Variants in ENPEP observed in about 807,000 individuals in gnomAD.
The protein encoded by ENPEP is AP-A.
Under a neutral mutation model 114.5 loss-of-function variants are expected in ENPEP, and 103 were observed. The ratio of observed to expected loss-of-function variants is 0.90; its 90% confidence interval spans 0.77 to 1.06. The LOEUF is 1.06. Among genes scored for constraint, ENPEP ranks in the 50% least tolerant of loss-of-function variants. The pLI is 0.00. For missense variants in ENPEP, 1,196 were observed against 1,161.3 expected, an observed-to-expected ratio of 1.03 and a Z score of -0.43; for synonymous variants, 420 against 422.0, an observed-to-expected ratio of 1.00 and a Z score of 0.06.
intron 18 of ENPEP, among the ~76,000 whole-genome samples, chr4:110,553,910 T>TC (rs1727381925): frequency 6.6e-6 from 1 of 152,006 alleles, no homozygotes; most frequent in African/African-American, 2.4e-5. Context: ...TAATGAAATT[T>TC]CAAGTATTTT....
chr4:110,532,300 A>G (rs931380944), intron 11 of ENPEP, among the ~76,000 whole-genome samples: 5 of 152,014 alleles, frequency 3.3e-5, no homozygotes, highest in Admixed American at 1.3e-4. Flanking sequence ...GCAACCACTA[A>G]TGTATTCCCT....
chr4:110,486,436 C>G (rs1435050700), intron 1 of ENPEP, among the ~76,000 whole-genome samples: 1 of 152,164 alleles, frequency 6.6e-6, no homozygotes, highest in African/African-American at 2.4e-5. Flanking sequence ...CACTGGACAC[C>G]TTTCAATTCT....
chr4:110,503,505 A>G lies in ENPEP; in HGVS notation c.919-3132A>G, dbSNP rs1461409383. On this transcript the variant is annotated intron_variant, in intron 3 of 19. Coordinates refer to ENST00000265162, the MANE Select transcript of ENPEP (RefSeq NM_001977.4). Reference sequence around the variant, plus strand: ...CTCAATGGTTCTCAATGGAATCTCAATGATCTTCCTTCCTATCCATATTCT... The same window carrying G: ...CTCAATGGTTCTCAATGGAATCTCAGTGATCTTCCTTCCTATCCATATTCT... 3.3e-5 allele frequency among the ~76,000 whole-genome samples: 5 copies of G among 152,132 alleles called. No individual in the cohort carries two copies. In the East Asian group the frequency reaches 9.6e-4, roughly 29 times the overall value.
rs187936074 is a variant in ENPEP at position 110,517,069 on chromosome 4, G to A, written c.1509+1627G>A. On this transcript the variant is annotated intron_variant, in intron 8 of 19. Transcript: ENST00000265162. Reference sequence around the variant, plus strand: ...AGCGATTCTCATGTCTCAGTCTCCCGAGTAGCTGGAATTACAGGCACCACC... The same window carrying A: ...AGCGATTCTCATGTCTCAGTCTCCCAAGTAGCTGGAATTACAGGCACCACC... Among the ~76,000 whole-genome samples the A allele has an allele frequency of 1.6e-3, 244 of 152,060 alleles. 1 individual carries two copies. Among genetic ancestry groups the A allele is most frequent in the African/African-American group, 5.8e-3 (241 of 41,458 alleles).
At chr4:110,482,105 T>C (rs146168413) in intron 1 of ENPEP, among the ~76,000 whole-genome samples, 2 of 152,266 alleles carry the variant, frequency 1.3e-5, no homozygotes, top group Non-Finnish European at 2.9e-5. Flanking sequence ...CCCCATGACT[T>C]TTTGGATACA....
At chr4:110,499,984 AATC>A (rs1560555013) in intron 3 of ENPEP, 1 of 152,228 alleles carries the variant, frequency 6.6e-6, no homozygotes, top group Non-Finnish European at 1.5e-5. Flanking sequence ...ACTAATAAGT[AATC>A]ATAATACTAT....
intron 10 of ENPEP, among the ~76,000 whole-genome samples, chr4:110,525,274 C>T (rs1299635716): frequency 6.6e-6 from 1 of 152,222 alleles, no homozygotes; most frequent in African/African-American, 2.4e-5. Context: ...GAACTCCAGT[C>T]CCGGGCCTGG....
chr4:110,543,184 G>A, intron 13 of ENPEP, 114 bp downstream of exon 13: 1 of 1,004,310 alleles, frequency 1.0e-6, no homozygotes, highest in Non-Finnish European at 1.5e-6. Context: ...AATATCCAAA[G>A]CCACTATTTA....
chr4:110,534,078 A>G (rs978658540), intron 11 of ENPEP, among the ~76,000 whole-genome samples: 13 of 152,174 alleles, frequency 8.5e-5, no homozygotes, highest in African/African-American at 2.2e-4. Flanking sequence ...GGACATCTTC[A>G]GCTCTCAGCT....
chr4:110,533,167 C>T, intron 11 of ENPEP: 1 of 402,240 alleles, frequency 2.5e-6, no homozygotes, highest in Non-Finnish European at 5.0e-6. Context: ...TTCATCTACC[C>T]TAGTACAATT....
At chr4:110,549,476 A>G in intron 15 of ENPEP, 52 bp from the exon 16 acceptor site, 1 of 1,612,272 alleles carries the variant, frequency 6.2e-7, no homozygotes, top group Middle Eastern at 1.7e-4. Context: ...TTGTTTTAAG[A>G]CTTGTTGAAA....
intron 19 of ENPEP, among the ~76,000 whole-genome samples, chr4:110,560,047 G>A (rs992754700): frequency 1.3e-5 from 2 of 152,246 alleles, no homozygotes; most frequent in South Asian, 2.1e-4. Context: ...TGCGGTGTTT[G>A]GTTTTCTGTT....
At chr4:110,484,730 A>G (rs986528482) in intron 1 of ENPEP, among the ~76,000 whole-genome samples, 1 of 142,642 alleles carries the variant, frequency 7.0e-6, no homozygotes, top group Non-Finnish European at 1.5e-5. Context: ...TTAGGAATAT[A>G]TATTATATAT....
chr4:110,528,571 A>G (rs1456825863), intron 10 of ENPEP, among the ~76,000 whole-genome samples: 1 of 152,220 alleles, frequency 6.6e-6, no homozygotes, highest in East Asian at 1.9e-4. Flanking sequence ...GAACCTTTTT[A>G]TAATTCAAAT....
intron 2 of ENPEP, among the ~76,000 whole-genome samples, chr4:110,489,412 G>T (rs527344706): frequency 6.6e-6 from 1 of 152,084 alleles, no homozygotes. Context: ...CTGTCAAGGG[G>T]TGGGGGGCTA....
rs1725527735 is a variant in ENPEP at position 110,510,323 on chromosome 4, C to G, written c.1273C>G (p.Leu425Val). 1 of 1,614,116 alleles carries G rather than the reference C, an allele frequency of 6.2e-7. No individual in the cohort carries two copies. Among genetic ancestry groups the G allele is most frequent in the Non-Finnish European group, 8.5e-7 (1 of 1,180,004 alleles). ...AGGATTTGCTTCTTTCTTTGAGTTTCTGGGAGTAAACCATGCAGAAACAGA... is the reference window on the plus strand; with the variant it reads ...AGGATTTGCTTCTTTCTTTGAGTTTGTGGGAGTAAACCATGCAGAAACAGA... ...NEGFASFFEFLGVNHAETDWQ... is the reference protein window; with the variant it reads ...NEGFASFFEFVGVNHAETDWQ... Residue 425 changes from leucine (L) to valine (V), a missense_variant, in exon 6 of 20, where the codon CTG (leucine) becomes GTG (valine). Transcript: ENST00000265162.
intron 10 of ENPEP, among the ~76,000 whole-genome samples, chr4:110,529,196 G>A (rs1033020090): frequency 3.9e-5 from 6 of 152,164 alleles, no homozygotes; most frequent in African/African-American, 9.7e-5. Context: ...TCATCCAGAC[G>A]CTGCCTGCTC....
At chr4:110,557,698 T>C (rs1341476911) in intron 18 of ENPEP, among the ~76,000 whole-genome samples, 1 of 152,144 alleles carries the variant, frequency 6.6e-6, no homozygotes, top group Admixed American at 6.6e-5. Context: ...GTACACACTT[T>C]TAGGGGCAGC....
chr4:110,556,773 AT>A (rs1217530654), intron 18 of ENPEP, among the ~76,000 whole-genome samples: 1 of 152,112 alleles, frequency 6.6e-6, no homozygotes, highest in East Asian at 1.9e-4. Flanking sequence ...CAGTGTTGTT[AT>A]TTTTATGTAT....
Sources: gnomAD v4.1 joint callset for allele counts (sites outside exome capture counted in the v4.1 genomes callset) on GRCh38, gnomAD v4.1.1 for gene constraint, MANE v1.5 for transcripts, NCBI Gene and HGNC (gene_info 2026-07-23, HGNC 2026-07-21) for gene names.